Variants in LRRC75A observed in about 807,000 individuals in gnomAD.
LRRC75A encodes leucine rich repeat containing 75A.
A neutral mutation model predicts 26.0 loss-of-function variants in LRRC75A; 12 were observed. That is an observed-to-expected ratio of 0.46 (90% CI 0.30 to 0.75). The LOEUF is 0.75. Ranked by LOEUF, LRRC75A falls within the 30% of genes least tolerant of loss-of-function variation. The probability of loss-of-function intolerance (pLI) is 0.08; values close to 1 mark genes in which losing one functional copy is unlikely to be tolerated. For synonymous variants in LRRC75A, 223 were observed against 219.3 expected (o/e 1.02, Z -0.15); for missense variants, 410 against 486.6 (o/e 0.84, Z 1.48).
intron 1 of LRRC75A, among the ~76,000 whole-genome samples, chr17:16,472,527 G>A (rs763040354): frequency 6.6e-5 from 10 of 152,166 alleles, no homozygotes; most frequent in Non-Finnish European, 8.8e-5. Context: ...GCAACAAGGC[G>A]CCTTTAGCCC....
intron 1 of LRRC75A, among the ~76,000 whole-genome samples, chr17:16,474,086 A>G (rs2093813804): frequency 6.6e-6 from 1 of 152,196 alleles, no homozygotes; most frequent in African/African-American, 2.4e-5. Flanking sequence ...GAATAATCTA[A>G]AGTAAGTTGG....
intron 1 of LRRC75A, among the ~76,000 whole-genome samples, chr17:16,490,071 G>C (rs1434610596): frequency 1.3e-5 from 2 of 152,222 alleles, no homozygotes; most frequent in African/African-American, 2.4e-5. Flanking sequence ...AGGGACTGGG[G>C]AGCCCAAAGT....
At chr17:16,487,626 G>A (rs935767703) in intron 1 of LRRC75A, among the ~76,000 whole-genome samples, 1 of 152,236 alleles carries the variant, frequency 6.6e-6, no homozygotes, top group Non-Finnish European at 1.5e-5. Context: ...TGCATTTGTA[G>A]AGACAGCCAT....
rs2093858679 is a variant in LRRC75A at position 16,492,007 on chromosome 17, G to A, written c.-17C>T. 2 of 1,157,874 alleles carry A rather than the reference G, an allele frequency of 1.7e-6. No homozygotes were observed. 71.7% of individuals were successfully genotyped at this position (1,157,874 alleles called of 1,614,324 possible). On this transcript the variant is annotated 5_prime_UTR_variant, in exon 1 of 4. Transcript: ENST00000470794. ...GGTGCCCATGCCGCCGCCGCCCGCC[G>A]GGACTCTCCGCTCTGGGCCGCGAGG...
chr17:16,459,478 C>CA (rs1292707365), intron 2 of LRRC75A, among the ~76,000 whole-genome samples: 1 of 152,134 alleles, frequency 6.6e-6, no homozygotes, highest in Non-Finnish European at 1.5e-5. Context: ...GTGTCAGGAA[C>CA]AGAGGAGGGA....
intron 1 of LRRC75A, among the ~76,000 whole-genome samples, chr17:16,471,048 CTG>C (rs2093804305): frequency 6.6e-6 from 1 of 152,184 alleles, no homozygotes; most frequent in South Asian, 2.1e-4. Flanking sequence ...TGCCCAGAAA[CTG>C]TGAATGTGAC....
intron 2 of LRRC75A, among the ~76,000 whole-genome samples, chr17:16,461,655 A>G (rs1279535208): frequency 1.3e-5 from 2 of 152,246 alleles, no homozygotes; most frequent in African/African-American, 4.8e-5. Flanking sequence ...ACTCAGCCTC[A>G]GAGGTGAAGA....
chr17:16,452,571 G>A (rs2093641835), intron 2 of LRRC75A, among the ~76,000 whole-genome samples: 1 of 151,960 alleles, frequency 6.6e-6, no homozygotes, highest in Non-Finnish European at 1.5e-5. Context: ...CCAAGTAGCT[G>A]ATTACAGACG....
chr17:16,487,908 C>T (rs1279551864), intron 1 of LRRC75A, among the ~76,000 whole-genome samples: 1 of 152,212 alleles, frequency 6.6e-6, no homozygotes, highest in Non-Finnish European at 1.5e-5. Context: ...GTGCGCCACA[C>T]TTCGAGTAAA....
intron 1 of LRRC75A, among the ~76,000 whole-genome samples, chr17:16,466,052 T>C (rs1273110943): frequency 6.6e-6 from 1 of 152,244 alleles, no homozygotes; most frequent in Non-Finnish European, 1.5e-5. Flanking sequence ...TATTGCTTTA[T>C]TTCAACCCCA....
In LRRC75A at chr17:16,491,904, G is replaced by A. The variant is rs913978117; in HGVS notation, c.87C>T (p.Phe29=). ...CGGCGCGCAGCAGCAGCGACGCCCA[G>A]AAGTCCGGCCGTTCGCGTCGGGGGC... ...APGPRRERPD[F]WASLLLRAGD... The change falls in exon 1 of 4, where the codon TTC becomes TTT. Residue 29 remains phenylalanine, a synonymous_variant. Coordinates refer to ENST00000470794, the MANE Select transcript of LRRC75A (RefSeq NM_001113567.3). This position sits in a 1 kb window ranked among gnomAD's most constrained non-coding sequence, Gnocchi z 5.9. The A allele has an allele frequency of 1.9e-5, 25 of 1,295,766 alleles. No individual in the cohort carries two copies. The highest frequency in any genetic ancestry group is 2.4e-5 in the Non-Finnish European group (25 of 1,023,708). 80.3% of individuals were successfully genotyped at this position (1,295,766 alleles called of 1,614,324 possible). A position where few individuals can be genotyped will look rare whatever the true frequency, so the allele number is the denominator to read the frequency against.
intron 2 of LRRC75A, among the ~76,000 whole-genome samples, chr17:16,460,659 C>G (rs572673931): frequency 7.2e-5 from 11 of 152,392 alleles, no homozygotes; most frequent in Admixed American, 2.0e-4. Flanking sequence ...ACCTGTGGTT[C>G]TCCTCGGAGG....
chr17:16,474,167 A>G lies in LRRC75A; in HGVS notation c.247-11781T>C, dbSNP rs540929565. ...TCATGGCTCTGCCCACACGTGGCTG[A>G]CGGTGGGGGACAGACGTGGGTTAGA... On this transcript the variant is annotated intron_variant, in intron 1 of 3. Transcript: ENST00000470794. Among the ~76,000 whole-genome samples, 9 of 101,078 alleles carry G rather than the reference A, an allele frequency of 8.9e-5. No homozygotes were observed. In the East Asian group the frequency reaches 5.7e-3, roughly 64 times the overall value. The allele number at this position is 101,078 out of a possible 152,430, so 66.3% of individuals were successfully genotyped here. A position where few individuals can be genotyped will look rare whatever the true frequency, so the allele number is the denominator to read the frequency against.
At chr17:16,452,029 C>T (rs1197989219) in intron 2 of LRRC75A, among the ~76,000 whole-genome samples, 1 of 149,696 alleles carries the variant, frequency 6.7e-6, no homozygotes, top group African/African-American at 2.5e-5. Flanking sequence ...AGCCACCGCG[C>T]CCGGCCTGGA....
At chr17:16,477,391 G>A (rs957619318) in intron 1 of LRRC75A, among the ~76,000 whole-genome samples, 7 of 152,242 alleles carry the variant, frequency 4.6e-5, no homozygotes, top group African/African-American at 1.7e-4. Context: ...ACCTCTTGCT[G>A]CCCTCCCTCT....
intron 1 of LRRC75A, among the ~76,000 whole-genome samples, chr17:16,472,980 C>T (rs1295183424): frequency 6.6e-6 from 1 of 152,116 alleles, no homozygotes; most frequent in Non-Finnish European, 1.5e-5. Context: ...TATAAACCCC[C>T]TACCCTTGAA....
At chr17:16,481,176 C>T (rs895310011) in intron 1 of LRRC75A, among the ~76,000 whole-genome samples, 29 of 152,152 alleles carry the variant, frequency 1.9e-4, no homozygotes, top group African/African-American at 6.8e-4. Context: ...CTGATGGCAG[C>T]GAGCCAGGAC....
intron 2 of LRRC75A, among the ~76,000 whole-genome samples, chr17:16,449,171 T>C (rs547728039): frequency 4.0e-5 from 6 of 151,700 alleles, no homozygotes; most frequent in Non-Finnish European, 8.8e-5. Flanking sequence ...TGTGGGGAGG[T>C]CCGGCACGTT....
At chr17:16,479,594 A>C (rs911976713) in intron 1 of LRRC75A, among the ~76,000 whole-genome samples, 1 of 152,238 alleles carries the variant, frequency 6.6e-6, no homozygotes, top group Non-Finnish European at 1.5e-5. Context: ...TCAGTGAAGG[A>C]AACCAAGGGG....
Sources: allele counts gnomAD v4.1 joint callset (sites outside exome capture counted in the v4.1 genomes callset), GRCh38; gene constraint gnomAD v4.1.1; non-coding constraint Gnocchi (gnomAD v3.1); transcripts MANE v1.5; gene names NCBI Gene and HGNC (gene_info 2026-07-23, HGNC 2026-07-21).